The following CPPED1 variants were observed in gnomAD, a reference collection of about 807,000 sequenced individuals.
CPPED1 encodes the protein serine/threonine-protein phosphatase CPPED1.
Under a neutral mutation model 28.0 loss-of-function variants are expected in CPPED1, and 28 were observed. That is an observed-to-expected ratio of 1.00 (90% CI 0.74 to 1.37). The LOEUF is 1.37. CPPED1 is among the 40% of genes most tolerant of loss of function. The pLI is 0.00. For synonymous variants in CPPED1, 198 were observed against 180.2 expected, an observed-to-expected ratio of 1.10 and a Z score of -0.79; for missense variants, 504 against 416.5, an observed-to-expected ratio of 1.21 and a Z score of -1.83.
rs576150082 is a variant in CPPED1, at chr16:12,713,600, A to T, written c.290-8551T>A. 5.9e-5 allele frequency among the ~76,000 whole-genome samples: 9 copies of T among 152,210 alleles called. No homozygotes were observed. In the East Asian group the frequency reaches 1.7e-3, roughly 29 times the overall value. Reference sequence around the variant, plus strand: ...AGTCTTGAACTCCTGATCTCAGGTGATCTGCCTGCCTCAGCCTCTTAAAGT... The same window carrying T: ...AGTCTTGAACTCCTGATCTCAGGTGTTCTGCCTGCCTCAGCCTCTTAAAGT... On this transcript the variant is annotated intron_variant, in intron 2 of 3. Transcript: ENST00000381774.
intron 1 of CPPED1, among the ~76,000 whole-genome samples, chr16:12,788,602 A>G (rs895375788): frequency 6.6e-6 from 1 of 152,168 alleles, no homozygotes; most frequent in Non-Finnish European, 1.5e-5. Context: ...GATGGGGCTT[A>G]GGCATGCCTC....
chr16:12,720,706 G>T (rs2080135248), intron 2 of CPPED1, among the ~76,000 whole-genome samples: 1 of 152,110 alleles, frequency 6.6e-6, no homozygotes, highest in South Asian at 2.1e-4. Context: ...CAGGCTGGTT[G>T]ACCTCAGGTG....
Position 12,707,603 on chromosome 16 carries a change from G to C in CPPED1, c.290-2554C>G, listed in dbSNP as rs373332282. ...TCACATGCTAACTGAGGCAGGTATG[G>C]AAAAATGTCCGAATCCCTAATGACC... On this transcript the variant is annotated intron_variant, in intron 2 of 3. Coordinates refer to ENST00000381774, the MANE Select transcript of CPPED1 (RefSeq NM_018340.3). 3.2e-4 allele frequency among the ~76,000 whole-genome samples: 48 copies of C among 152,210 alleles called. No individual in the cohort carries two copies. The Middle Eastern group carries it at 0.014, about 43-fold the overall frequency.
chr16:12,716,817 T>C (rs898852410), intron 2 of CPPED1, among the ~76,000 whole-genome samples: 3 of 152,216 alleles, frequency 2.0e-5, no homozygotes, highest in African/African-American at 7.2e-5. Context: ...GACAGTGTCT[T>C]TGTTCTCAAT....
intron 2 of CPPED1, among the ~76,000 whole-genome samples, chr16:12,729,539 T>A (rs2080186765): frequency 6.6e-6 from 1 of 152,204 alleles, no homozygotes; most frequent in African/African-American, 2.4e-5. Flanking sequence ...TTGTTGGCAA[T>A]GCAGACTGCA....
chr16:12,740,114 A>G (rs149701742), intron 2 of CPPED1, among the ~76,000 whole-genome samples: 3 of 145,038 alleles, frequency 2.1e-5, no homozygotes, highest in African/African-American at 8.6e-5. Flanking sequence ...AGGAAAGGAA[A>G]GAAAGGAAAG....
chr16:12,720,199 A>T (rs2141197678), intron 2 of CPPED1: 1 of 153,646 alleles, frequency 6.5e-6, no homozygotes, highest in East Asian at 1.9e-4. Context: ...TTTTCTCCCC[A>T]GGAGATGGCA....
chr16:12,786,090 CA>C (rs1739141151), intron 1 of CPPED1, among the ~76,000 whole-genome samples: 1 of 152,154 alleles, frequency 6.6e-6, no homozygotes, highest in South Asian at 2.1e-4. Flanking sequence ...TGAAGAGGGA[CA>C]AGGTGAGGGT....
intron 1 of CPPED1, among the ~76,000 whole-genome samples, chr16:12,786,530 G>C (rs1431237570): frequency 6.6e-6 from 1 of 152,064 alleles, no homozygotes; most frequent in East Asian, 1.9e-4. Context: ...TCATGGATTT[G>C]GCCCTAAATA....
At chr16:12,735,411 C>T (rs962395657) in intron 2 of CPPED1, among the ~76,000 whole-genome samples, 26 of 152,328 alleles carry the variant, frequency 1.7e-4, no homozygotes, top group Middle Eastern at 3.4e-3. Flanking sequence ...CCCGCCTTAG[C>T]GTTCCGCCTC....
chr16:12,781,212 A>G lies in CPPED1; in HGVS notation c.262T>C (p.Cys88Arg). 1 of 1,613,866 alleles carries G rather than the reference A, an allele frequency of 6.2e-7. No individual in the cohort carries two copies. Among genetic ancestry groups the G allele is most frequent in the Non-Finnish European group, 8.5e-7 (1 of 1,179,894 alleles). ...GGCATGGCGTGGATGAGGTCGCCGC[A>G]CAGAACGAAGAATTTGGGTTTGGGG... ...LNPKPKFFVL[C>R]GDLIHAMPGK... Residue 88 changes from cysteine (C) to arginine (R), a missense_variant, in exon 2 of 4, where the codon TGC becomes CGC. Transcript: ENST00000381774.
chr16:12,782,172 T>C (rs111239468), intron 1 of CPPED1, among the ~76,000 whole-genome samples: 2,758 of 152,240 alleles, frequency 0.018, 39 homozygotes, highest in Middle Eastern at 0.048. Flanking sequence ...TCTACTCTTA[T>C]CTGCCAGAAC....
chr16:12,671,592 C>A (rs1372851333), intron 3 of CPPED1, among the ~76,000 whole-genome samples: 1 of 152,162 alleles, frequency 6.6e-6, no homozygotes, highest in Admixed American at 6.5e-5. Context: ...AGCTCAGGTG[C>A]ATAAAGTACT....
At chr16:12,790,382 T>C (rs1242408883) in intron 1 of CPPED1, among the ~76,000 whole-genome samples, 1 of 151,920 alleles carries the variant, frequency 6.6e-6, no homozygotes, top group East Asian at 1.9e-4. Flanking sequence ...ATTTTATTGA[T>C]TTTTTCACTA....
At chr16:12,730,613 C>T (rs2080192242) in intron 2 of CPPED1, among the ~76,000 whole-genome samples, 2 of 150,572 alleles carry the variant, frequency 1.3e-5, no homozygotes, top group African/African-American at 5.0e-5. Flanking sequence ...ATGGCTATAA[C>T]ACAGAACCAA....
chr16:12,696,439 T>TC, intron 3 of CPPED1, among the ~76,000 whole-genome samples: 1 of 88,224 alleles, frequency 1.1e-5, no homozygotes, highest in African/African-American at 1.1e-4. Context: ...AGTGACTTTC[T>TC]TTTTTTTTTT....
At chr16:12,740,431 C>T (rs369458969) in intron 2 of CPPED1, among the ~76,000 whole-genome samples, 5 of 145,380 alleles carry the variant, frequency 3.4e-5, no homozygotes, top group Non-Finnish European at 7.5e-5. Context: ...GGCAACAGAA[C>T]GAGACTCTGC....
intron 2 of CPPED1, 75 bp from the exon 3 acceptor site, chr16:12,705,124 A>C (rs2080043038): frequency 7.0e-7 from 1 of 1,419,986 alleles, no homozygotes; most frequent in Admixed American, 2.4e-5. Context: ...AGTACTTACT[A>C]ACATAAAATT....
At chr16:12,697,772 C>A (rs1541807) in intron 3 of CPPED1, among the ~76,000 whole-genome samples, 110,661 of 151,966 alleles carry the variant, frequency 0.73, 40,475 homozygotes, top group Admixed American at 0.82. Context: ...GACCCTTTAC[C>A]GAAAAGTTCT....
Sources: gnomAD v4.1 joint callset for allele counts (sites outside exome capture counted in the v4.1 genomes callset) on GRCh38, gnomAD v4.1.1 for gene constraint, MANE v1.5 for transcripts, NCBI Gene and HGNC (gene_info 2026-07-23, HGNC 2026-07-21) for gene names.